Variants in UNC13C observed in about 807,000 individuals in gnomAD.
UNC13C encodes unc-13 homolog C.
UNC13C carries 174 observed loss-of-function variants against 245.4 expected under a neutral mutation model. The observed-to-expected ratio is 0.71, with a 90% CI of 0.63 to 0.80. UNC13C has a LOEUF of 0.80. Among genes scored for constraint, UNC13C ranks in the 30% least tolerant of loss-of-function variants. The pLI is 0.00. For synonymous variants in UNC13C, 992 were observed against 895.1 expected, an observed-to-expected ratio of 1.11 and a Z score of -1.93; for missense variants, 2,829 against 2,602.9, an observed-to-expected ratio of 1.09 and a Z score of -1.89.
chr15:53,852,203 G>A, the UNC13C span, among the ~76,000 whole-genome samples: 1 of 152,190 alleles, frequency 6.6e-6, no homozygotes, highest in African/African-American at 2.4e-5. Context: ...CCCAGTTGGG[G>A]TCTGACGCTT....
At chr15:54,048,993 G>A (rs1403493009) in intron 2 of UNC13C, 1 of 375,040 alleles carries the variant, frequency 2.7e-6, no homozygotes, top group Non-Finnish European at 5.2e-6. Context: ...ATGCACCATT[G>A]TTCCAAGTTT....
rs144695055 is a variant in UNC13C, at chr15:54,499,528, G to A, written c.5061-551G>A. Among the ~76,000 whole-genome samples, 306 of 152,146 alleles carry A rather than the reference G, an allele frequency of 2.0e-3. 2 individuals carry two copies. The highest frequency in any genetic ancestry group is 7.1e-3 in the African/African-American group (295 of 41,528). Reference sequence around the variant, plus strand: ...AAAGATGCAAATTCAATGCGGTGGGGGAATAAAGGGTGTTCTAAATAAATG... The same window carrying A: ...AAAGATGCAAATTCAATGCGGTGGGAGAATAAAGGGTGTTCTAAATAAATG... On this transcript the variant is annotated intron_variant, in intron 20 of 32. Coordinates refer to ENST00000260323, the MANE Select transcript of UNC13C (RefSeq NM_001080534.3).
the UNC13C span, among the ~76,000 whole-genome samples, chr15:53,935,164 A>G: frequency 6.6e-6 from 1 of 151,796 alleles, no homozygotes; most frequent in African/African-American, 2.4e-5. Context: ...ATTAAAAAAA[A>G]AAACCTCTTT....
intron 4 of UNC13C, among the ~76,000 whole-genome samples, chr15:54,197,853 T>G (rs1309353872): frequency 1.3e-5 from 2 of 152,138 alleles, no homozygotes; most frequent in Non-Finnish European, 2.9e-5. Flanking sequence ...GGATCACTGC[T>G]GCAGGCTCCC....
chr15:53,887,424 A>G, the UNC13C span, among the ~76,000 whole-genome samples: 1 of 152,188 alleles, frequency 6.6e-6, no homozygotes, highest in Admixed American at 6.6e-5. Flanking sequence ...CATTATATTA[A>G]GTGTAACTCT....
chr15:54,333,909 C>T (rs2038505650), intron 16 of UNC13C, 53 bp downstream of exon 16: 2 of 1,354,108 alleles, frequency 1.5e-6, no homozygotes, highest in Non-Finnish European at 2.1e-6. Context: ...ATACATTCAT[C>T]CCCTGGTAAA....
intron 27 of UNC13C, among the ~76,000 whole-genome samples, chr15:54,547,374 A>G (rs1007061452): frequency 2.0e-5 from 3 of 152,174 alleles, no homozygotes; most frequent in Non-Finnish European, 2.9e-5. Flanking sequence ...AGAAAGATCA[A>G]TTGGCTGCAA....
At chr15:54,525,414 A>C (rs940260528) in intron 24 of UNC13C, 135 bp from the exon 25 acceptor site, 45 of 221,110 alleles carry the variant, frequency 2.0e-4, no homozygotes, top group Non-Finnish European at 3.1e-4. Flanking sequence ...TCAAAGACCA[A>C]AAAAAAAAAA....
chr15:54,069,609 A>G (rs568493078), intron 2 of UNC13C, among the ~76,000 whole-genome samples: 1 of 152,320 alleles, frequency 6.6e-6, no homozygotes, highest in East Asian at 1.9e-4. Flanking sequence ...CTTTGAAGCT[A>G]AAGATAACTT....
Position 54,244,382 on chromosome 15 carries a change from C to A in UNC13C, c.3229-5843C>A, listed in dbSNP as rs147238664. Among the ~76,000 whole-genome samples, 64 of 152,150 alleles carry A rather than the reference C, an allele frequency of 4.2e-4. 1 individual carries two copies. In the East Asian group the frequency reaches 0.012, roughly 29 times the overall value. On this transcript the variant is annotated intron_variant, in intron 7 of 32. Transcript: ENST00000260323. ...CTGTTTTGGCTACCGTAGCCTTGTA[C>A]TATAGTTCGAAGGTGGGTAAGGTGA...
chr15:54,291,846 A>T (rs746703647), intron 10 of UNC13C, among the ~76,000 whole-genome samples: 8 of 151,998 alleles, frequency 5.3e-5, no homozygotes, highest in Admixed American at 2.0e-4. Context: ...CTATAGATGT[A>T]ATTTGAAAAA....
intron 20 of UNC13C, among the ~76,000 whole-genome samples, chr15:54,496,701 T>G (rs1204787836): frequency 6.6e-6 from 1 of 151,780 alleles, no homozygotes. Flanking sequence ...TTATTCTAAG[T>G]GAAGTAACTC....
the UNC13C span, among the ~76,000 whole-genome samples, chr15:53,879,431 AGGATTATAG>A: frequency 1.3e-4 from 20 of 152,168 alleles, no homozygotes; most frequent in Non-Finnish European, 2.9e-4. Flanking sequence ...CCAAAATGCT[AGGATTATAG>A]GGGTGAGCTA....
chr15:54,240,950 T>A (rs927282279), intron 7 of UNC13C, among the ~76,000 whole-genome samples: 1 of 152,176 alleles, frequency 6.6e-6, no homozygotes, highest in Non-Finnish European at 1.5e-5. Context: ...CAGGTGTTGT[T>A]TCAGACTGGA....
chr15:53,937,691 G>A, the UNC13C span, among the ~76,000 whole-genome samples: 1 of 152,132 alleles, frequency 6.6e-6, no homozygotes, highest in African/African-American at 2.4e-5. Flanking sequence ...ACCTCCCAGT[G>A]GAAACCCTAC....
chr15:53,985,468 A>T (rs886232657), intron 1 of UNC13C, among the ~76,000 whole-genome samples: 4 of 151,522 alleles, frequency 2.6e-5, no homozygotes, highest in African/African-American at 9.8e-5. Context: ...TGTGTTAAGT[A>T]TACATGTGTT....
chr15:54,080,825 T>C (rs1898902331), intron 2 of UNC13C, among the ~76,000 whole-genome samples: 1 of 151,998 alleles, frequency 6.6e-6, no homozygotes, highest in East Asian at 1.9e-4. Flanking sequence ...CATTTAATCT[T>C]TGTTGTTTCT....
At chr15:54,489,671 G>A (rs181728210) in intron 19 of UNC13C, among the ~76,000 whole-genome samples, 15 of 152,248 alleles carry the variant, frequency 9.9e-5, no homozygotes, top group Admixed American at 3.3e-4. Flanking sequence ...GTCTGGTTGT[G>A]TACCTGAGAG....
chr15:53,990,153 C>T (rs369887644), intron 1 of UNC13C, among the ~76,000 whole-genome samples: 8 of 151,876 alleles, frequency 5.3e-5, no homozygotes, highest in African/African-American at 1.9e-4. Context: ...ATATGTTTAC[C>T]CTATTAAAAC....
Sources: allele counts gnomAD v4.1 joint callset (sites outside exome capture counted in the v4.1 genomes callset), GRCh38; gene constraint gnomAD v4.1.1; transcripts MANE v1.5; gene names NCBI Gene and HGNC (gene_info 2026-07-23, HGNC 2026-07-21).